Variants in LIPC observed in about 807,000 individuals in gnomAD.
LIPC encodes the protein hepatic triacylglycerol lipase.
A neutral mutation model predicts 50.7 loss-of-function variants in LIPC; 44 were observed. The observed-to-expected ratio is 0.87, with a 90% confidence interval of 0.68 to 1.11. The LOEUF is 1.11. LIPC is among the 50% of genes most tolerant of loss of function. The pLI is 0.00. For synonymous variants in LIPC, 271 were observed against 256.4 expected, an observed-to-expected ratio of 1.06 and a Z score of -0.54; for missense variants, 697 against 648.2, an observed-to-expected ratio of 1.08 and a Z score of -0.82.
chr15:58,461,905 C>T (rs985526600), intron 1 of LIPC, among the ~76,000 whole-genome samples: 12 of 151,980 alleles, frequency 7.9e-5, no homozygotes, highest in Admixed American at 1.3e-4. Flanking sequence ...CACCCCTCCA[C>T]ACCTGCCTCG....
chr15:58,508,371 A>G (rs1359530266), intron 1 of LIPC, among the ~76,000 whole-genome samples: 4 of 152,150 alleles, frequency 2.6e-5, no homozygotes, highest in Admixed American at 2.6e-4. Flanking sequence ...TAAGCCGATC[A>G]TCCCCAAAGC....
chr15:58,557,830 G>A (rs1260876575), intron 6 of LIPC, among the ~76,000 whole-genome samples: 4 of 152,124 alleles, frequency 2.6e-5, no homozygotes, highest in African/African-American at 4.8e-5. Context: ...TATTCATAAG[G>A]AGGTTAACCC....
At position 58,515,272 on chromosome 15, in the gene LIPC, G is replaced by A. The variant is rs539033446; in HGVS notation, c.89-23061G>A. Among the ~76,000 whole-genome samples, 26 of 152,312 alleles carry A rather than the reference G, an allele frequency of 1.7e-4. No individual in the cohort carries two copies. In the South Asian group the frequency reaches 5.0e-3, roughly 29 times the overall value. On this transcript the variant is annotated intron_variant, in intron 1 of 8. Transcript: ENST00000299022. ...TATTCTAGGTTCTGGGGATTCAGAT[G>A]TGGACAAATTTGGAGGTGGTCATTA...
chr15:58,513,367 C>G (rs1892391799), intron 1 of LIPC, among the ~76,000 whole-genome samples: 1 of 152,210 alleles, frequency 6.6e-6, no homozygotes, highest in South Asian at 2.1e-4. Flanking sequence ...CCAGCTCAAA[C>G]CTTCCAAGCA....
At chr15:58,510,683 A>G (rs1159803523) in intron 1 of LIPC, among the ~76,000 whole-genome samples, 1 of 152,250 alleles carries the variant, frequency 6.6e-6, no homozygotes, top group East Asian at 1.9e-4. Context: ...ACCAATTCAC[A>G]TAAGACTATC....
intron 1 of LIPC, among the ~76,000 whole-genome samples, chr15:58,528,729 CCCAA>C: frequency 6.6e-6 from 1 of 152,340 alleles, no homozygotes; most frequent in South Asian, 2.1e-4. Flanking sequence ...AGGGCATGGG[CCCAA>C]CTTGAGTTTC....
At position 58,474,103 on chromosome 15, in the gene LIPC, A is replaced by G. The variant is rs1220719624; in HGVS notation, c.88+41983A>G. Among the ~76,000 whole-genome samples, 4 of 152,202 alleles carry G rather than the reference A, an allele frequency of 2.6e-5. No homozygotes were observed. The South Asian group carries it at 8.3e-4, about 32-fold the overall frequency. On this transcript the variant is annotated intron_variant, in intron 1 of 8. Transcript: ENST00000299022. Reference sequence around the variant, plus strand: ...CAAAGCCCTTCTACATCAATCATCAAGCAACCAACCCTCCTTTGCTGAAAT... The same window carrying G: ...CAAAGCCCTTCTACATCAATCATCAGGCAACCAACCCTCCTTTGCTGAAAT...
intron 1 of LIPC, among the ~76,000 whole-genome samples, chr15:58,490,871 G>C (rs1420511157): frequency 1.3e-5 from 2 of 152,138 alleles, no homozygotes; most frequent in East Asian, 1.9e-4. Flanking sequence ...TCAGGTCTCT[G>C]AGAGCCCAGA....
At chr15:58,535,306 G>T (rs1342984944) in intron 1 of LIPC, among the ~76,000 whole-genome samples, 2 of 152,148 alleles carry the variant, frequency 1.3e-5, no homozygotes, top group African/African-American at 4.8e-5. Flanking sequence ...GGGGGCCTGG[G>T]GCATAATACA....
At chr15:58,535,707 T>G (rs1438891010) in intron 1 of LIPC, among the ~76,000 whole-genome samples, 1 of 152,186 alleles carries the variant, frequency 6.6e-6, no homozygotes, top group East Asian at 1.9e-4. Context: ...CTTCTCTAGG[T>G]TCTAATTACA....
At chr15:58,506,786 T>C (rs1320710083) in intron 1 of LIPC, among the ~76,000 whole-genome samples, 4 of 151,996 alleles carry the variant, frequency 2.6e-5, no homozygotes, top group African/African-American at 9.7e-5. Context: ...GGTGTGGGGG[T>C]GTGTTAGTCC....
intron 1 of LIPC, among the ~76,000 whole-genome samples, chr15:58,480,652 C>T (rs537623514): frequency 6.6e-6 from 1 of 152,316 alleles, no homozygotes; most frequent in South Asian, 2.1e-4. Context: ...CTGCCTTGGT[C>T]CAGAAGCTTT....
intron 1 of LIPC, among the ~76,000 whole-genome samples, chr15:58,481,461 T>C (rs1257267750): frequency 6.6e-6 from 1 of 152,090 alleles, no homozygotes. Context: ...GGTAACTGGA[T>C]AAATAAATCA....
intron 1 of LIPC, among the ~76,000 whole-genome samples, chr15:58,515,169 G>A (rs530384430): frequency 1.5e-4 from 23 of 152,234 alleles, no homozygotes; most frequent in African/African-American, 5.3e-4. Flanking sequence ...CCCATTCAAA[G>A]AAACAAGGAT....
chr15:58,545,786 A>G lies in LIPC; in HGVS notation c.619A>G (p.Asn207Asp). The G allele has an allele frequency of 6.2e-7, 1 of 1,614,222 alleles. No individual in the cohort carries two copies. The highest frequency in any genetic ancestry group is 8.5e-7 in the Non-Finnish European group (1 of 1,180,042). ...TTTGTTTGAGGGAAGTGCCCCCAGC[A>G]ATCGTCTTTCTCCAGATGATGCCAA... ...GPLFEGSAPSNRLSPDDANFV... is the reference protein window; with the variant it reads ...GPLFEGSAPSDRLSPDDANFV... Residue 207 changes from asparagine (N) to aspartate (D), a missense_variant, in exon 5 of 9, where the codon AAT becomes GAT. Physicochemically the swap from Asn to Asp is conservative, Grantham distance 23. Coordinates refer to ENST00000299022, the MANE Select transcript of LIPC (RefSeq NM_000236.3).
intron 1 of LIPC, among the ~76,000 whole-genome samples, chr15:58,441,386 C>T (rs1471230959): frequency 3.9e-5 from 6 of 152,190 alleles, no homozygotes; most frequent in Non-Finnish European, 2.9e-5. Flanking sequence ...GGAAATTCCA[C>T]GTCATACTCA....
chr15:58,512,213 C>T (rs1340809141), intron 1 of LIPC, among the ~76,000 whole-genome samples: 1 of 152,066 alleles, frequency 6.6e-6, no homozygotes, highest in East Asian at 1.9e-4. Context: ...ATTCTCCTGC[C>T]TCAGCCTCCC....
intron 1 of LIPC, chr15:58,436,887 C>A: frequency 2.2e-6 from 1 of 455,548 alleles, no homozygotes. Context: ...GCTTTTCAAG[C>A]CCAAATACCT....
chr15:58,566,370 T>C, intron 8 of LIPC: 1 of 985,434 alleles, frequency 1.0e-6, no homozygotes, highest in Non-Finnish European at 1.2e-6. Flanking sequence ...CATTTTAACT[T>C]CACTGCTCAC....
Sources: gnomAD v4.1 joint callset for allele counts (sites outside exome capture counted in the v4.1 genomes callset) on GRCh38, gnomAD v4.1.1 for gene constraint, MANE v1.5 for transcripts, NCBI Gene and HGNC (gene_info 2026-07-23, HGNC 2026-07-21) for gene names.